The following ZNF671 variants were observed in gnomAD, a reference collection of about 807,000 sequenced individuals.
The protein encoded by ZNF671 is zinc finger protein 671.
A neutral mutation model predicts 16.6 loss-of-function variants in ZNF671; 19 were observed. The observed-to-expected ratio is 1.14, with a 90% CI of 0.80 to 1.68. The LOEUF is 1.68. ZNF671 is among the 40% of genes most tolerant of loss of function. The probability of loss-of-function intolerance (pLI) is 0.00; values close to 1 mark genes in which losing one functional copy is unlikely to be tolerated. For missense variants in ZNF671, 637 were observed against 659.8 expected, an observed-to-expected ratio of 0.97 and a Z score of 0.38; for synonymous variants, 238 against 236.3, an observed-to-expected ratio of 1.01 and a Z score of -0.06.
chr19:57,727,158 ACTCTG>A (rs760671920), intron 1 of ZNF671: 7 of 433,840 alleles, frequency 1.6e-5, no homozygotes, highest in East Asian at 3.6e-5. Context: ...AGTTCCTCAA[ACTCTG>A]CTCTGTGTTG....
In ZNF671 at chr19:57,721,606, C is replaced by T. The variant is rs1398556096; in HGVS notation, c.480G>A (p.Glu160=). Residue 160 remains glutamate (E), a synonymous_variant, in exon 4 of 4, where the codon GAG becomes GAA. Transcript: ENST00000317398. Reference sequence around the variant, plus strand: ...ATATGTCACATGGGTGAGACTCCAGCTCTGCCATGAGAGTCCTGACCTCTG... The same window carrying T: ...ATATGTCACATGGGTGAGACTCCAGTTCTGCCATGAGAGTCCTGACCTCTG... ...GVSEVRTLMA[E]LESHPCDICG... 7.4e-6 allele frequency: 12 copies of T among 1,614,092 alleles called. No individual in the cohort carries two copies. Among genetic ancestry groups the T allele is most frequent in the Non-Finnish European group, 1.0e-5 (12 of 1,180,052 alleles).
rs952228446 is a variant in ZNF671, at chr19:57,720,415, T to C, written c.*66A>G. Reference sequence around the variant, plus strand: ...ATCTGCTGCACTCATTAACTACTGCTAGTTCCCCACCATATAGTAAGTCAG... The same window carrying C: ...ATCTGCTGCACTCATTAACTACTGCCAGTTCCCCACCATATAGTAAGTCAG... On this transcript the variant is annotated 3_prime_UTR_variant, in exon 4 of 4. Transcript: ENST00000317398. The C allele has an allele frequency of 3.2e-6, 5 of 1,554,378 alleles. No individual in the cohort carries two copies. The African/African-American group carries it at 5.4e-5, about 17-fold the overall frequency.
chr19:57,720,323 G>T lies in ZNF671; in HGVS notation c.*158C>A. 7.8e-6 allele frequency: 8 copies of T among 1,022,466 alleles called. No individual in the cohort carries two copies. Among genetic ancestry groups the T allele is most frequent in the Non-Finnish European group, 8.6e-6 (6 of 698,484 alleles). 63.3% of individuals were successfully genotyped at this position (1,022,466 alleles called of 1,614,324 possible). A position where few individuals can be genotyped will look rare whatever the true frequency, so the allele number is the denominator to read the frequency against. On this transcript the variant is annotated 3_prime_UTR_variant, in exon 4 of 4. Transcript: ENST00000317398. ...GACAGCACATTGCTTAGACTGCTAA[G>T]GCCTGTGTCCGGTGTGAAATTCCCA... is the stretch of plus-strand genomic sequence containing the variant.
Position 57,723,727 on chromosome 19 carries a change from C to A in ZNF671, c.139-387G>T, listed in dbSNP as rs533993835. 2.8e-4 allele frequency among the ~76,000 whole-genome samples: 43 copies of A among 152,112 alleles called. No individual in the cohort carries two copies. In the East Asian group the frequency reaches 5.2e-3, roughly 18 times the overall value. The stretch of plus-strand genomic sequence containing the variant: ...TCCCTCACATCTCCAGCTTCCCCCC[C>A]ACCCTACTGGCCCACCCCATCTCCC... On this transcript the variant is annotated intron_variant, in intron 1 of 3. Transcript: ENST00000317398.
At chr19:57,725,703 G>A (rs760219323) in intron 1 of ZNF671, among the ~76,000 whole-genome samples, 12 of 151,844 alleles carry the variant, frequency 7.9e-5, no homozygotes, top group Admixed American at 2.0e-4. Flanking sequence ...TTGGGAGGCC[G>A]AAGGGAGTGG....
Position 57,720,660 on chromosome 19 carries a change from C to T in ZNF671, c.1426G>A (p.Glu476Lys). ...LIQHQKVHSGEKPYECSKCGK... is the reference protein window; with the variant it reads ...LIQHQKVHSGKKPYECSKCGK... ...CACTTGCTGCACTCATAAGGCTTTT[C>T]TCCAGAGTGAACTTTCTGGTGCTGA... The change falls in exon 4 of 4, where the codon GAA becomes AAA. Residue 476 changes from glutamate to lysine, a missense_variant. Glu to Lys is a moderately conservative substitution (Grantham distance 56). Transcript: ENST00000317398. 2 of 1,614,188 alleles carry T rather than the reference C, an allele frequency of 1.2e-6. No homozygotes were observed. The highest frequency in any genetic ancestry group is 4.5e-5 in the East Asian group (2 of 44,874).
In ZNF671 at chr19:57,724,671, G is replaced by A. The variant is rs139951450; in HGVS notation, c.139-1331C>T. ...CTCCCGAGTAGCCGGGACTACAGGC[G>A]CCCACCACCATGCCCGGCTAATTTT... On this transcript the variant is annotated intron_variant, in intron 1 of 3. Coordinates refer to ENST00000317398, the MANE Select transcript of ZNF671 (RefSeq NM_024833.3). 3.5e-3 allele frequency among the ~76,000 whole-genome samples: 528 copies of A among 152,000 alleles called. 6 individuals carry two copies. The highest frequency in any genetic ancestry group is 0.012 in the African/African-American group (494 of 41,450).
chr19:57,721,812 T>G (rs989152566), intron 3 of ZNF671, 115 bp from the exon 4 acceptor site: 2 of 1,393,216 alleles, frequency 1.4e-6, no homozygotes, highest in African/African-American at 2.9e-5. Context: ...GTTTTCAGAA[T>G]GAGAGGCATG....
rs1985831035 is a variant in ZNF671 at position 57,720,824 on chromosome 19, C to G, written c.1262G>C (p.Gly421Ala). 6.2e-7 allele frequency: 1 copy of G among 1,614,262 alleles called. No individual in the cohort carries two copies. Among genetic ancestry groups the G allele is most frequent in the African/African-American group, 1.3e-5 (1 of 75,070 alleles). Residue 421 changes from glycine (G) to alanine (A), a missense_variant, in exon 4 of 4, where the codon GGA becomes GCA. Coordinates refer to ENST00000317398, the MANE Select transcript of ZNF671 (RefSeq NM_024833.3). ...TTCACTGCACTCATAAGGCCTTTCT[C>G]CAGTGTGAGTTCGTTGGTGCAGAAC... Reference protein sequence around the residue: ...TLVLHQRTHTGERPYECSECG... With the variant: ...TLVLHQRTHTAERPYECSECG...
chr19:57,722,390 TCTC>T lies in ZNF671; in HGVS notation c.311_313del (p.Gly104del), dbSNP rs773653047. On this transcript the variant is annotated inframe_deletion, in exon 3 of 4. Coordinates refer to ENST00000317398, the MANE Select transcript of ZNF671 (RefSeq NM_024833.3). ...CACCTGGTCATACACCCAGGGCTCT[TCTC>T]CTCGCTCTAGTTTCATGACTGCACG... is the stretch of plus-strand genomic sequence containing the variant. The T allele has an allele frequency of 1.9e-6, 3 of 1,614,004 alleles. No individual in the cohort carries two copies. Among genetic ancestry groups the T allele is most frequent in the East Asian group, 2.2e-5 (1 of 44,894 alleles).
At position 57,720,769 on chromosome 19, in the gene ZNF671, G is replaced by A. The variant is rs549646483; in HGVS notation, c.1317C>T (p.His439=). 64 of 1,614,086 alleles carry A rather than the reference G, an allele frequency of 4.0e-5. No individual in the cohort carries two copies. Among genetic ancestry groups the A allele is most frequent in the Non-Finnish European group, 5.2e-5 (61 of 1,180,056 alleles). Residue 439 remains histidine, a synonymous_variant, in exon 4 of 4, where the codon CAC becomes CAT. Coordinates refer to ENST00000317398, the MANE Select transcript of ZNF671 (RefSeq NM_024833.3). ...TGTGAATTCTCCAGTGTACATTAAG[G>A]TGGGAGCTTTGGCTAAAGGCCTTCC... is the stretch of plus-strand genomic sequence containing the variant. ...ECGKAFSQSS[H]LNVHWRIHSS...
chr19:57,725,842 G>A (rs1208479821), intron 1 of ZNF671, among the ~76,000 whole-genome samples: 1 of 149,952 alleles, frequency 6.7e-6, no homozygotes, highest in East Asian at 2.0e-4. Flanking sequence ...ACTGAGGCAG[G>A]AGAATCACTT....
At chr19:57,727,182 C>G (rs908880579) in intron 1 of ZNF671, 5 of 554,160 alleles carry the variant, frequency 9.0e-6, no homozygotes, top group Non-Finnish European at 1.5e-5. Flanking sequence ...TGATGAGAAC[C>G]CTGTCTCCCA....
chr19:57,726,252 G>T (rs958728318), intron 1 of ZNF671, among the ~76,000 whole-genome samples: 7 of 151,330 alleles, frequency 4.6e-5, no homozygotes, highest in East Asian at 1.9e-4. Flanking sequence ...AACCCGGGAG[G>T]TAGAGGTTGC....
At position 57,726,178 on chromosome 19, in the gene ZNF671, CA is replaced by C. The variant is rs371005583; in HGVS notation, c.138+1212del. 3.2e-3 allele frequency among the ~76,000 whole-genome samples: 479 copies of C among 147,454 alleles called. 6 individuals are homozygous for C. The highest frequency in any genetic ancestry group is 0.011 in the African/African-American group (456 of 39,760). ...CTCTACTATAAATACTAAAATTAGC[CA>C]GGGGTGGTTGTGGGCACCTGTAATC... On this transcript the variant is annotated intron_variant, in intron 1 of 3. Transcript: ENST00000317398.
At chr19:57,723,075 C>G (rs576841160) in intron 2 of ZNF671, 139 bp downstream of exon 2, 2 of 1,193,216 alleles carry the variant, frequency 1.7e-6, no homozygotes, top group African/African-American at 3.0e-5. Flanking sequence ...GACTACTCAG[C>G]AAGTAGGGAG....
intron 3 of ZNF671, chr19:57,722,095 A>G: frequency 1.5e-6 from 1 of 665,288 alleles, no homozygotes; most frequent in Non-Finnish European, 2.5e-6. Flanking sequence ...AAAAATGTAG[A>G]CAGAGAAGTG....
rs774832378 is a variant in ZNF671, at chr19:57,723,222, G to T, written c.257C>A (p.Ala86Asp). 6.2e-7 allele frequency: 1 copy of T among 1,611,862 alleles called. No homozygotes were observed. The highest frequency in any genetic ancestry group is 8.5e-7 in the Non-Finnish European group (1 of 1,178,718). Reference protein sequence around the residue: ...DVMLENFALLASLGIAFSRSR... With the variant: ...DVMLENFALLDSLGIAFSRSR... ...AAGCATGAGGACCTTACCCAGTGAG[G>T]CTAAAAGTGCAAAGTTCTCCAGCAT... The change falls in exon 2 of 4, where the codon GCC (alanine) becomes GAC (aspartate). Residue 86 changes from alanine (A) to aspartate (D), a missense_variant. By Grantham distance (126) the Ala-to-Asp change is moderately radical. Transcript: ENST00000317398.
chr19:57,727,109 G>C (rs1456389194), intron 1 of ZNF671: 2 of 363,888 alleles, frequency 5.5e-6, no homozygotes, highest in Non-Finnish European at 9.9e-6. Flanking sequence ...AACGCCCTCA[G>C]AATGAAGCGA....
Sources: allele counts gnomAD v4.1 joint callset (sites outside exome capture counted in the v4.1 genomes callset), GRCh38; gene constraint gnomAD v4.1.1; transcripts MANE v1.5; gene names NCBI Gene and HGNC (gene_info 2026-07-23, HGNC 2026-07-21).